SLC39A11: variants seen among roughly 807,000 people sequenced by gnomAD.
SLC39A11 encodes solute carrier family 39 member 11, also known as zinc transporter ZIP11.
SLC39A11 carries 33 observed loss-of-function variants against 36.1 expected under a neutral mutation model. The observed-to-expected ratio is 0.91, with a 90% CI of 0.69 to 1.22. SLC39A11 has a LOEUF of 1.22. Ranked by LOEUF, SLC39A11 falls within the 50% of genes most tolerant of loss-of-function variation. The pLI is 0.00. For synonymous variants in SLC39A11, 166 were observed against 170.3 expected (o/e 0.97, Z 0.20); for missense variants, 432 against 430.3 (o/e 1.00, Z -0.03).
At chr17:72,993,579 G>A (rs1196050174) in intron 4 of SLC39A11, among the ~76,000 whole-genome samples, 1 of 152,140 alleles carries the variant, frequency 6.6e-6, no homozygotes, top group Non-Finnish European at 1.5e-5. Flanking sequence ...AACATTTATT[G>A]ACTAATCAAT....
intron 4 of SLC39A11, among the ~76,000 whole-genome samples, chr17:73,024,134 T>C (rs1342224288): frequency 6.6e-6 from 1 of 152,218 alleles, no homozygotes; most frequent in African/African-American, 2.4e-5. Flanking sequence ...ACTGCCACCT[T>C]CTTTGGCCTG....
intron 4 of SLC39A11, among the ~76,000 whole-genome samples, chr17:72,969,185 G>A (rs2087240606): frequency 6.6e-6 from 1 of 152,186 alleles, no homozygotes; most frequent in African/African-American, 2.4e-5. Context: ...GATGGCCCAG[G>A]CCTAGGGTAA....
At chr17:72,804,045 G>A (rs1309472363) in intron 6 of SLC39A11, among the ~76,000 whole-genome samples, 2 of 152,092 alleles carry the variant, frequency 1.3e-5, no homozygotes, top group Non-Finnish European at 1.5e-5. Flanking sequence ...GCTCAGGCTG[G>A]AGTGCACTGG....
chr17:72,694,379 C>T (rs189946516), intron 7 of SLC39A11, among the ~76,000 whole-genome samples: 474 of 152,318 alleles, frequency 3.1e-3, no homozygotes, highest in Non-Finnish European at 4.8e-3. Context: ...GATACCTCCC[C>T]GAGCCCTGGT....
At chr17:72,914,017 A>AAG (rs2083183233) in intron 5 of SLC39A11, among the ~76,000 whole-genome samples, 1 of 151,668 alleles carries the variant, frequency 6.6e-6, no homozygotes, top group Admixed American at 6.6e-5. Context: ...TTGAAAGAAA[A>AAG]AAAAAGGCTG....
At chr17:72,780,983 A>G (rs139562918) in intron 6 of SLC39A11, among the ~76,000 whole-genome samples, 5,642 of 152,132 alleles carry the variant, frequency 0.037, 325 homozygotes, top group African/African-American at 0.13. Flanking sequence ...GTGTAATTCC[A>G]TCTCAAAAAA....
At chr17:72,828,487 G>A (rs1598897598) in intron 6 of SLC39A11, among the ~76,000 whole-genome samples, 1 of 152,228 alleles carries the variant, frequency 6.6e-6, no homozygotes, top group African/African-American at 2.4e-5. Flanking sequence ...TGGAGGCACA[G>A]AGAGGGGTAT....
intron 3 of SLC39A11, among the ~76,000 whole-genome samples, chr17:73,071,757 A>G (rs1568226425): frequency 6.6e-6 from 1 of 152,230 alleles, no homozygotes; most frequent in Non-Finnish European, 1.5e-5. Flanking sequence ...ATCACATGCA[A>G]TATTTCTGCA....
rs1048336235 is a variant in SLC39A11, at chr17:72,647,408, T to A, written c.*176A>T. 4.4e-6 allele frequency: 2 copies of A among 455,952 alleles called. No homozygotes were observed. The highest frequency in any genetic ancestry group is 4.0e-5 in the African/African-American group (2 of 50,168). The allele number at this position is 455,952 out of a possible 1,614,324, so 28.2% of individuals were successfully genotyped here. A position where few individuals can be genotyped will look rare whatever the true frequency, so the allele number is the denominator to read the frequency against. ...AAAATTCCCCATTAAATCAAAAATC[T>A]CCCTCAAAGCAAAGTAAAAATGGTT... On this transcript the variant is annotated 3_prime_UTR_variant, in exon 10 of 10. Coordinates refer to ENST00000255559, the MANE Select transcript of SLC39A11 (RefSeq NM_139177.4).
At chr17:72,793,815 C>A (rs916562924) in intron 6 of SLC39A11, among the ~76,000 whole-genome samples, 1 of 152,188 alleles carries the variant, frequency 6.6e-6, no homozygotes, top group African/African-American at 2.4e-5. Flanking sequence ...CAATGATCAA[C>A]AAATTCTGCT....
At chr17:72,948,315 C>A (rs2085581507) in intron 4 of SLC39A11, among the ~76,000 whole-genome samples, 2 of 150,750 alleles carry the variant, frequency 1.3e-5, no homozygotes, top group Admixed American at 1.3e-4. Context: ...CGCACGCACA[C>A]AAAACCCCAC....
intron 6 of SLC39A11, among the ~76,000 whole-genome samples, chr17:72,754,198 G>A (rs2075281551): frequency 6.6e-6 from 1 of 151,846 alleles, no homozygotes; most frequent in African/African-American, 2.4e-5. Flanking sequence ...CTCAGGAATG[G>A]AAAACCAAAC....
Position 72,791,830 on chromosome 17 carries a change from G to A in SLC39A11, c.602-55111C>T, listed in dbSNP as rs1337441033. 5.9e-5 allele frequency among the ~76,000 whole-genome samples: 9 copies of A among 152,284 alleles called. No individual in the cohort carries two copies. In the East Asian group the frequency reaches 1.5e-3, roughly 26 times the overall value. ...GCACTTCTCTCTCCTGCTGCCATGC[G>A]AAGAAGGACATGTTGGCTTCCCCTT... On this transcript the variant is annotated intron_variant, in intron 6 of 9. Coordinates refer to ENST00000255559, the MANE Select transcript of SLC39A11 (RefSeq NM_139177.4).
At chr17:72,885,103 A>G (rs183086720) in intron 5 of SLC39A11, among the ~76,000 whole-genome samples, 1 of 152,326 alleles carries the variant, frequency 6.6e-6, no homozygotes, top group Non-Finnish European at 1.5e-5. Context: ...ACTTCTGATG[A>G]TACTTGTAGG....
At chr17:72,912,001 G>A (rs972698659) in intron 5 of SLC39A11, among the ~76,000 whole-genome samples, 1 of 152,048 alleles carries the variant, frequency 6.6e-6, no homozygotes, top group Non-Finnish European at 1.5e-5. Context: ...TCAAGAAGGC[G>A]TTCTGAGCAA....
intron 4 of SLC39A11, among the ~76,000 whole-genome samples, chr17:72,997,114 A>G (rs2089564434): frequency 6.6e-6 from 1 of 152,152 alleles, no homozygotes; most frequent in Admixed American, 6.5e-5. Flanking sequence ...ATTCACAGAC[A>G]CCAAGAAAAT....
chr17:72,849,651 G>A lies in SLC39A11; in HGVS notation c.584C>T (p.Thr195Ile), dbSNP rs144832523. The A allele has an allele frequency of 8.7e-5, 137 of 1,578,050 alleles. No individual in the cohort carries two copies. The highest frequency in any genetic ancestry group is 1.7e-4 in the Middle Eastern group (1 of 5,868). Reference sequence around the variant, plus strand: ...GACCTCACCTGGAACGTTGTGTATAGTGATGGCCAAGATGAGCAGTGCGAT... The same window carrying A: ...GACCTCACCTGGAACGTTGTGTATAATGATGGCCAAGATGAGCAGTGCGAT... ...RRIALLILAI[T>I]IHNVPEGLAV... Residue 195 changes from threonine to isoleucine, a missense_variant, in exon 6 of 10, where the codon ACT (threonine) becomes ATT (isoleucine). Transcript: ENST00000255559.
intron 5 of SLC39A11, among the ~76,000 whole-genome samples, chr17:72,906,115 G>A (rs1459939993): frequency 6.6e-6 from 1 of 152,208 alleles, no homozygotes; most frequent in Non-Finnish European, 1.5e-5. Context: ...GAGCAAAAGG[G>A]CCAGAATGAG....
In SLC39A11 at chr17:72,906,219, G is replaced by A. The variant is rs541124809; in HGVS notation, c.430+41533C>T. On this transcript the variant is annotated intron_variant, in intron 5 of 9. Coordinates refer to ENST00000255559, the MANE Select transcript of SLC39A11 (RefSeq NM_139177.4). ...TCCACAATGGCAAAGGAAAGCAGATGAGAAACTGGCTGCGGCCAGGTGACC... is the reference window on the plus strand; with the variant it reads ...TCCACAATGGCAAAGGAAAGCAGATAAGAAACTGGCTGCGGCCAGGTGACC... 2.6e-4 allele frequency among the ~76,000 whole-genome samples: 39 copies of A among 152,372 alleles called. 1 individual carries two copies. Among genetic ancestry groups the A allele is most frequent in the Middle Eastern group, 3.4e-3 (1 of 294 alleles).
Sources: allele counts gnomAD v4.1 joint callset (sites outside exome capture counted in the v4.1 genomes callset), GRCh38; gene constraint gnomAD v4.1.1; transcripts MANE v1.5; gene names NCBI Gene and HGNC (gene_info 2026-07-23, HGNC 2026-07-21).